Variants in DMD observed in about 807,000 individuals in gnomAD.
The protein encoded by DMD is dystrophin, also known as mutant dystrophin.
In DMD, 63 loss-of-function variants were observed where a neutral mutation model predicts 330.1. That is an observed-to-expected ratio of 0.19 (90% CI 0.16 to 0.24). The LOEUF (loss-of-function observed/expected upper bound fraction) is 0.24, where lower values mean the gene tolerates loss of function less well. DMD is among the 10% of genes least tolerant of loss of function. The pLI is 1.00. For missense variants in DMD, 3,344 were observed against 2,684.1 expected (o/e 1.25, Z -5.43); for synonymous variants, 1,223 against 959.8 (o/e 1.27, Z -5.07).
At chrX:31,529,756 G>A (rs2073567124) in intron 55 of DMD, among the ~76,000 whole-genome samples, 1 of 111,550 alleles carries the variant, frequency 9.0e-6, no homozygotes, top group African/African-American at 3.3e-5. Flanking sequence ...TGTTTGCTAC[G>A]GAAAAGAAAA....
At chrX:31,913,192 G>T (rs1261352182) in intron 47 of DMD, among the ~76,000 whole-genome samples, 1 of 112,002 alleles carries the variant, frequency 8.9e-6, no homozygotes, top group African/African-American at 3.2e-5. Context: ...ATGAGAAATC[G>T]TAAAACTATC....
chrX:32,723,486 C>T (rs2066545028), intron 7 of DMD, among the ~76,000 whole-genome samples: 1 of 111,198 alleles, frequency 9.0e-6, no homozygotes, highest in South Asian at 3.7e-4. Flanking sequence ...ATTTTAAGAA[C>T]AAATGGTATA....
intron 55 of DMD, among the ~76,000 whole-genome samples, chrX:31,523,425 A>G (rs1351071731): frequency 9.0e-6 from 1 of 111,561 alleles, no homozygotes; most frequent in Non-Finnish European, 1.9e-5. Context: ...CCCAAGAAGA[A>G]GAATACATTG....
chrX:32,063,187 A>ACACACACAC (rs2096239389), intron 44 of DMD, among the ~76,000 whole-genome samples: 1 of 100,747 alleles, frequency 9.9e-6, no homozygotes, highest in Admixed American at 1.1e-4. Context: ...AAGTATGTCT[A>ACACACACAC]ACACACACAC....
chrX:31,189,564 T>C (rs774109529), intron 67 of DMD, among the ~76,000 whole-genome samples: 4 of 111,855 alleles, frequency 3.6e-5, no homozygotes, highest in African/African-American at 1.3e-4. Context: ...GGCAAGAGAC[T>C]GTGCCCAGTA....
intron 1 of DMD, among the ~76,000 whole-genome samples, chrX:33,156,789 A>G (rs2048526165): frequency 8.9e-6 from 1 of 111,803 alleles, no homozygotes; most frequent in Non-Finnish European, 1.9e-5. Flanking sequence ...TACAATAACA[A>G]ATCTATTGAG....
intron 55 of DMD, among the ~76,000 whole-genome samples, chrX:31,515,577 A>T (rs908894799): frequency 8.9e-6 from 1 of 112,123 alleles, no homozygotes; most frequent in Non-Finnish European, 1.9e-5. Flanking sequence ...AGAACTTAGA[A>T]GGTCAGGAAC....
rs1011479470 is a variant in DMD at position 32,279,756 on chromosome X, C to A, written c.6290+7773G>T. Among the ~76,000 whole-genome samples the A allele has an allele frequency of 2.7e-5, 3 of 109,093 alleles. No homozygotes were observed. In the Admixed American group the frequency reaches 3.0e-4, roughly 11 times the overall value. 94.7% of individuals were successfully genotyped at this position (109,093 alleles called of 115,157 possible). On this transcript the variant is annotated intron_variant, in intron 43 of 78. Coordinates refer to ENST00000357033, the MANE Select transcript of DMD (RefSeq NM_004006.3). ...ATGAACACCACCTACTATTTGCTAG[C>A]ACAACAGGGTGACTATAGTCAAAAC...
At chrX:32,199,054 G>A (rs1028598252) in intron 44 of DMD, among the ~76,000 whole-genome samples, 2 of 111,992 alleles carry the variant, frequency 1.8e-5, no homozygotes, top group Admixed American at 9.5e-5. Flanking sequence ...ATGTGTATAC[G>A]TATTGACGTG....
At chrX:32,856,260 A>G (rs1296870862) in intron 2 of DMD, among the ~76,000 whole-genome samples, 1 of 111,944 alleles carries the variant, frequency 8.9e-6, no homozygotes, top group Non-Finnish European at 1.9e-5. Flanking sequence ...GGTTCTTCAA[A>G]AAAACTGAAA....
intron 2 of DMD, among the ~76,000 whole-genome samples, chrX:32,941,357 T>G (rs768821544): frequency 8.9e-5 from 10 of 112,035 alleles, no homozygotes; most frequent in Non-Finnish European, 1.9e-4. Flanking sequence ...ATTCACGTGT[T>G]CATCACAGCA....
intron 1 of DMD, among the ~76,000 whole-genome samples, chrX:33,069,490 C>T (rs1371326574): frequency 9.0e-6 from 1 of 111,577 alleles, no homozygotes; most frequent in African/African-American, 3.3e-5. Context: ...AGAAAACATG[C>T]TTTTCTTGTT....
At chrX:31,177,896 G>C (rs2040698732) in intron 71 of DMD, 36 bp downstream of exon 71, 1 of 1,140,903 alleles carries the variant, frequency 8.8e-7, no homozygotes, top group Non-Finnish European at 1.2e-6. Flanking sequence ...GAATGTGTTG[G>C]TGGTAGCAGC....
chrX:32,348,269 C>T, intron 38 of DMD, 137 bp downstream of exon 38: 1 of 638,299 alleles, frequency 1.6e-6, no homozygotes, highest in Non-Finnish European at 2.4e-6. Flanking sequence ...CAAGAATATT[C>T]TGCATTTATA....
intron 60 of DMD, among the ~76,000 whole-genome samples, chrX:31,396,238 C>T (rs968829938): frequency 4.6e-5 from 5 of 108,489 alleles, no homozygotes; most frequent in Non-Finnish European, 7.7e-5. Flanking sequence ...CCCGGGTTCA[C>T]GCCATTCTCC....
intron 61 of DMD, among the ~76,000 whole-genome samples, chrX:31,331,129 T>C (rs2057098506): frequency 8.9e-6 from 1 of 111,971 alleles, no homozygotes; most frequent in African/African-American, 3.2e-5. Flanking sequence ...TGTGAAAATC[T>C]TTATGGCTAA....
At chrX:32,438,795 A>G (rs1320795535) in intron 28 of DMD, among the ~76,000 whole-genome samples, 3 of 111,551 alleles carry the variant, frequency 2.7e-5, no homozygotes, top group African/African-American at 9.8e-5. Context: ...TTGCACATAC[A>G]TGGCCTGGAG....
chrX:31,953,945 C>T (rs2095216133), intron 45 of DMD, among the ~76,000 whole-genome samples: 2 of 111,045 alleles, frequency 1.8e-5, no homozygotes, highest in South Asian at 7.6e-4. Context: ...TAATGGCCAA[C>T]CTGAAGTCCA....
At chrX:32,153,051 T>C (rs2096812954) in intron 44 of DMD, among the ~76,000 whole-genome samples, 1 of 112,175 alleles carries the variant, frequency 8.9e-6, no homozygotes, top group South Asian at 3.7e-4. Context: ...AGGTTGTTCT[T>C]ATCAGATGAG....
Sources: gnomAD v4.1 joint callset for allele counts (sites outside exome capture counted in the v4.1 genomes callset) on GRCh38, gnomAD v4.1.1 for gene constraint, MANE v1.5 for transcripts, NCBI Gene and HGNC (gene_info 2026-07-23, HGNC 2026-07-21) for gene names.